FCHSD2: variants seen among roughly 807,000 people sequenced by gnomAD.
FCHSD2 encodes F-BAR and double SH3 domains protein 2.
In FCHSD2, 38 loss-of-function variants were observed where a neutral mutation model predicts 108.1. That is an observed-to-expected ratio of 0.35 (90% CI 0.27 to 0.46). The LOEUF (loss-of-function observed/expected upper bound fraction) is 0.46, where lower values mean the gene tolerates loss of function less well. Ranked by LOEUF, FCHSD2 falls within the 20% of genes least tolerant of loss-of-function variation. The pLI, the probability that FCHSD2 is intolerant of heterozygous loss-of-function variation, is 1.00. For synonymous variants in FCHSD2, 279 were observed against 314.7 expected, an observed-to-expected ratio of 0.89 and a Z score of 1.20; for missense variants, 751 against 897.8, an observed-to-expected ratio of 0.84 and a Z score of 2.09.
intron 8 of FCHSD2, among the ~76,000 whole-genome samples, chr11:72,967,108 G>C (rs1856922718): frequency 6.6e-6 from 1 of 151,836 alleles, no homozygotes; most frequent in South Asian, 2.1e-4. Context: ...GCTGAGGCAG[G>C]AGAATGGCGT....
chr11:72,885,962 T>C (rs1266038026), intron 12 of FCHSD2, among the ~76,000 whole-genome samples: 1 of 152,214 alleles, frequency 6.6e-6, no homozygotes. Context: ...ATGGCAAGCC[T>C]GTTCTGATTC....
At position 73,133,736 on chromosome 11, in the gene FCHSD2, C is replaced by T. The variant is rs113246963; in HGVS notation, c.119+6295G>A. 6.0e-3 allele frequency among the ~76,000 whole-genome samples: 828 copies of T among 137,210 alleles called. 4 individuals carry two copies. The highest frequency in any genetic ancestry group is 0.015 in the South Asian group (63 of 4,312). 90.0% of individuals were successfully genotyped at this position (137,210 alleles called of 152,430 possible). ...TGAACCCAGGAGGCGGAGGTTACAA[C>T]GAGCCGGCATCGCGCCACTGCACTC... On this transcript the variant is annotated intron_variant, in intron 2 of 19. Transcript: ENST00000409418.
At chr11:73,114,512 T>C (rs1860561997) in intron 2 of FCHSD2, among the ~76,000 whole-genome samples, 1 of 152,084 alleles carries the variant, frequency 6.6e-6, no homozygotes, top group African/African-American at 2.4e-5. Flanking sequence ...TTTCTCACTG[T>C]AGCCACCATA....
intron 13 of FCHSD2, among the ~76,000 whole-genome samples, chr11:72,865,074 T>G (rs1262400955): frequency 6.6e-6 from 1 of 152,272 alleles, no homozygotes; most frequent in Non-Finnish European, 1.5e-5. Context: ...CTGTGTCTTT[T>G]TAAAACATTT....
At chr11:73,025,879 C>G (rs1591491855) in intron 3 of FCHSD2, among the ~76,000 whole-genome samples, 1 of 152,192 alleles carries the variant, frequency 6.6e-6, no homozygotes, top group East Asian at 1.9e-4. Context: ...CCGTAACCAT[C>G]CACATATACC....
chr11:73,052,994 C>T (rs1184558612), intron 3 of FCHSD2, among the ~76,000 whole-genome samples: 1 of 151,778 alleles, frequency 6.6e-6, no homozygotes, highest in African/African-American at 2.4e-5. Context: ...TTACAGATGC[C>T]CGCCACCACA....
At chr11:72,886,262 T>C (rs1323343137) in intron 12 of FCHSD2, among the ~76,000 whole-genome samples, 1 of 152,176 alleles carries the variant, frequency 6.6e-6, no homozygotes, top group Admixed American at 6.5e-5. Flanking sequence ...TAGAAAGTAT[T>C]TCCCAATACT....
At chr11:73,001,278 C>T (rs1857620865) in intron 4 of FCHSD2, 144 bp from the exon 5 acceptor site, 1 of 687,818 alleles carries the variant, frequency 1.5e-6, no homozygotes, top group Non-Finnish European at 2.5e-6. Context: ...AATATGTCAG[C>T]ACACATAACA....
chr11:72,981,132 A>G (rs1357626793), intron 8 of FCHSD2, among the ~76,000 whole-genome samples: 1 of 152,200 alleles, frequency 6.6e-6, no homozygotes. Flanking sequence ...CATGAGGAAG[A>G]AAATGAGTTA....
At chr11:73,026,581 G>A (rs1397083286) in intron 3 of FCHSD2, among the ~76,000 whole-genome samples, 1 of 152,124 alleles carries the variant, frequency 6.6e-6, no homozygotes, top group Non-Finnish European at 1.5e-5. Context: ...GATAGGGGGA[G>A]GTGGTTTGTA....
intron 13 of FCHSD2, among the ~76,000 whole-genome samples, chr11:72,863,310 A>C (rs1421331007): frequency 1.3e-5 from 2 of 152,182 alleles, no homozygotes; most frequent in African/African-American, 4.8e-5. Context: ...AAAGGGACAA[A>C]GAACTCTGAC....
intron 3 of FCHSD2, among the ~76,000 whole-genome samples, chr11:73,074,727 G>A (rs1264708382): frequency 1.3e-5 from 2 of 152,126 alleles, no homozygotes; most frequent in East Asian, 3.9e-4. Context: ...ATCTGACAAA[G>A]GAGTCAAATT....
intron 3 of FCHSD2, among the ~76,000 whole-genome samples, chr11:73,026,440 T>C (rs1858231258): frequency 6.6e-6 from 1 of 152,186 alleles, no homozygotes; most frequent in African/African-American, 2.4e-5. Context: ...CCATTTTACA[T>C]CATATCTTAT....
At chr11:72,993,785 C>T (rs890190059) in intron 5 of FCHSD2, among the ~76,000 whole-genome samples, 13 of 151,692 alleles carry the variant, frequency 8.6e-5, no homozygotes, top group Non-Finnish European at 1.5e-4. Context: ...GGAGGGATAG[C>T]ATTTGGAGAT....
chr11:73,093,290 T>C (rs942429446), intron 2 of FCHSD2, among the ~76,000 whole-genome samples: 2 of 152,196 alleles, frequency 1.3e-5, no homozygotes, highest in Non-Finnish European at 2.9e-5. Flanking sequence ...TTAGCTATAA[T>C]AAATCATAAC....
chr11:73,101,872 T>C (rs1422999290), intron 2 of FCHSD2, among the ~76,000 whole-genome samples: 3 of 152,076 alleles, frequency 2.0e-5, no homozygotes, highest in South Asian at 4.1e-4. Flanking sequence ...TTAGCAGGGT[T>C]CTCCAGAAAA....
At chr11:72,983,770 C>T (rs1323864926) in intron 8 of FCHSD2, 9 of 464,232 alleles carry the variant, frequency 1.9e-5, no homozygotes, top group South Asian at 1.6e-5. Context: ...AGTAGTTTCC[C>T]AGTTTGAGTC....
intron 6 of FCHSD2, among the ~76,000 whole-genome samples, chr11:72,986,308 C>A (rs1460408704): frequency 6.6e-6 from 1 of 152,162 alleles, no homozygotes; most frequent in Admixed American, 6.5e-5. Flanking sequence ...CTCCTGGGTT[C>A]ATGCCATTCT....
At chr11:73,005,374 T>C (rs944897009) in intron 4 of FCHSD2, among the ~76,000 whole-genome samples, 1 of 152,250 alleles carries the variant, frequency 6.6e-6, no homozygotes, top group Non-Finnish European at 1.5e-5. Context: ...CTAGTCCAAA[T>C]AGTTCAAGTC....
Sources: allele counts gnomAD v4.1 joint callset (sites outside exome capture counted in the v4.1 genomes callset), GRCh38; gene constraint gnomAD v4.1.1; transcripts MANE v1.5; gene names NCBI Gene and HGNC (gene_info 2026-07-23, HGNC 2026-07-21).